Variants in SND1 observed in about 807,000 individuals in gnomAD.
SND1 encodes staphylococcal nuclease domain-containing protein 1.
SND1 carries 38 observed loss-of-function variants against 121.7 expected under a neutral mutation model. The ratio of observed to expected loss-of-function variants is 0.31; its 90% CI spans 0.24 to 0.41. The LOEUF is 0.41. Ranked by LOEUF, SND1 falls within the 10% of genes least tolerant of loss-of-function variation. The probability of loss-of-function intolerance (pLI) is 1.00; values close to 1 mark genes in which losing one functional copy is unlikely to be tolerated. For synonymous variants in SND1, 401 were observed against 447.4 expected (o/e 0.90, Z 1.31); for missense variants, 868 against 1,184.6 (o/e 0.73, Z 3.92).
chr7:127,799,964 C>G (rs2116561261), intron 10 of SND1, among the ~76,000 whole-genome samples: 1 of 152,314 alleles, frequency 6.6e-6, no homozygotes, highest in East Asian at 1.9e-4. Context: ...CCTCCTGCTG[C>G]TAGCTTGTAG....
At chr7:127,764,789 T>C (rs1291373322) in intron 10 of SND1, among the ~76,000 whole-genome samples, 1 of 152,216 alleles carries the variant, frequency 6.6e-6, no homozygotes, top group East Asian at 1.9e-4. Flanking sequence ...GTTTTTCAAA[T>C]TGGAACCTTT....
chr7:128,091,926 G>C, intron 23 of SND1, 45 bp downstream of exon 23: 2 of 1,613,914 alleles, frequency 1.2e-6, no homozygotes, highest in Non-Finnish European at 1.7e-6. Context: ...CGAGTTGAGG[G>C]GTTTGGCCCT....
At chr7:128,084,614 C>A in intron 18 of SND1, 110 bp from the exon 19 acceptor site, 2 of 1,193,202 alleles carry the variant, frequency 1.7e-6, no homozygotes, top group Non-Finnish European at 2.3e-6. Context: ...TGCTGCAGTG[C>A]CCCCCAGAAT....
intron 3 of SND1, among the ~76,000 whole-genome samples, chr7:127,695,536 A>G (rs79492604): frequency 0.017 from 2,598 of 152,262 alleles, 93 homozygotes; most frequent in African/African-American, 0.059. Context: ...GAGAGAGTTG[A>G]AAGAGATAGT....
intron 10 of SND1, among the ~76,000 whole-genome samples, chr7:127,781,845 A>G (rs909378392): frequency 1.3e-5 from 2 of 152,226 alleles, no homozygotes; most frequent in Non-Finnish European, 2.9e-5. Context: ...AATACATGAG[A>G]ATAATTACCT....
intron 10 of SND1, among the ~76,000 whole-genome samples, chr7:127,731,417 T>C (rs1300080951): frequency 1.3e-5 from 2 of 152,230 alleles, no homozygotes; most frequent in East Asian, 1.9e-4. Flanking sequence ...GCCCAGCCCT[T>C]AGCTGTTCCT....
At chr7:127,905,944 A>T (rs567978507) in intron 14 of SND1, among the ~76,000 whole-genome samples, 1 of 152,300 alleles carries the variant, frequency 6.6e-6, no homozygotes, top group Non-Finnish European at 1.5e-5. Flanking sequence ...AGAGTGTATT[A>T]TCTTCCTGTT....
At chr7:127,924,959 C>T (rs1229759954) in intron 14 of SND1, among the ~76,000 whole-genome samples, 1 of 152,198 alleles carries the variant, frequency 6.6e-6, no homozygotes, top group Non-Finnish European at 1.5e-5. Flanking sequence ...CTCTGCTTCT[C>T]TCTAAGGGTC....
At chr7:128,010,675 T>C (rs1299994999) in intron 16 of SND1, among the ~76,000 whole-genome samples, 1 of 152,242 alleles carries the variant, frequency 6.6e-6, no homozygotes, top group Non-Finnish European at 1.5e-5. Flanking sequence ...CCCTATTACT[T>C]TGGCATCCTC....
chr7:127,918,774 TCA>T (rs1390551339), intron 14 of SND1, among the ~76,000 whole-genome samples: 2 of 152,166 alleles, frequency 1.3e-5, no homozygotes, highest in Non-Finnish European at 2.9e-5. Context: ...TTCAGATAAA[TCA>T]CAGTCTATAA....
At chr7:127,690,296 T>C (rs1013191434) in intron 2 of SND1, among the ~76,000 whole-genome samples, 2 of 152,184 alleles carry the variant, frequency 1.3e-5, no homozygotes, top group African/African-American at 4.8e-5. Flanking sequence ...ATTTGTGATA[T>C]GACTTTTAGA....
chr7:127,750,988 T>C (rs2116456210), intron 10 of SND1, among the ~76,000 whole-genome samples: 1 of 152,324 alleles, frequency 6.6e-6, no homozygotes, highest in South Asian at 2.1e-4. Flanking sequence ...AATGATAACC[T>C]GTATCTTGTC....
chr7:127,929,117 C>T (rs1800909027), intron 14 of SND1, 71 bp from the exon 15 acceptor site: 8 of 1,524,330 alleles, frequency 5.2e-6, no homozygotes, highest in Non-Finnish European at 7.2e-6. Flanking sequence ...AACTTTTTGT[C>T]CTAGACTATA....
intron 16 of SND1, among the ~76,000 whole-genome samples, chr7:127,992,470 T>C (rs1802543884): frequency 6.6e-6 from 1 of 152,212 alleles, no homozygotes. Context: ...AAAGTAACTA[T>C]GTTGGTAAAA....
chr7:127,754,705 G>A (rs1258814143), intron 10 of SND1, among the ~76,000 whole-genome samples: 1 of 152,202 alleles, frequency 6.6e-6, no homozygotes, highest in African/African-American at 2.4e-5. Flanking sequence ...GGGTTGGGAG[G>A]TTGTTATTCT....
At chr7:127,964,449 A>T (rs1049236830) in intron 15 of SND1, among the ~76,000 whole-genome samples, 26 of 149,532 alleles carry the variant, frequency 1.7e-4, no homozygotes, top group African/African-American at 6.4e-4. Context: ...TAAGGAAGGG[A>T]TCCAGTTTCA....
chr7:128,057,368 T>C (rs1456845156), intron 16 of SND1, among the ~76,000 whole-genome samples: 5 of 152,212 alleles, frequency 3.3e-5, no homozygotes, highest in Non-Finnish European at 7.3e-5. Context: ...TAGCATTTCG[T>C]CGCTGGTAAT....
intron 1 of SND1, among the ~76,000 whole-genome samples, chr7:127,684,626 T>C (rs1795782222): frequency 1.3e-5 from 2 of 152,232 alleles, no homozygotes; most frequent in African/African-American, 4.8e-5. Context: ...TCTTTTGGAA[T>C]GTCAGTTCCC....
At position 127,880,717 on chromosome 7, in the gene SND1, G is replaced by T. The variant is rs190323721; in HGVS notation, c.1344-7185G>T. On this transcript the variant is annotated intron_variant, in intron 12 of 23. Transcript: ENST00000354725. ...TCCTTTTCAGCTGGAGAATGCAGGG[G>T]TGTGTGTGTGTGTGTGTGTGTATAA... is the stretch of plus-strand genomic sequence containing the variant. Among the ~76,000 whole-genome samples, 137 of 67,126 alleles carry T rather than the reference G, an allele frequency of 2.0e-3. 1 individual carries two copies. Among genetic ancestry groups the T allele is most frequent in the Middle Eastern group, 6.2e-3 (1 of 162 alleles). The allele number at this position is 67,126 out of a possible 152,430, so 44.0% of individuals were successfully genotyped here. A position where few individuals can be genotyped will look rare whatever the true frequency, so the allele number is the denominator to read the frequency against.
Sources: gnomAD v4.1 joint callset for allele counts (sites outside exome capture counted in the v4.1 genomes callset) on GRCh38, gnomAD v4.1.1 for gene constraint, MANE v1.5 for transcripts, NCBI Gene and HGNC (gene_info 2026-07-23, HGNC 2026-07-21) for gene names.